HEBP2: variants seen among roughly 807,000 people sequenced by gnomAD.
The protein encoded by HEBP2 is heme binding protein 2.
HEBP2 carries 27 observed loss-of-function variants against 23.1 expected under a neutral mutation model. The observed-to-expected ratio is 1.17, with a 90% CI of 0.86 to 1.61. HEBP2 has a LOEUF of 1.61. HEBP2 is among the 40% of genes most tolerant of loss of function. The pLI, the probability that HEBP2 is intolerant of heterozygous loss-of-function variation, is 0.00. For missense variants in HEBP2, 245 were observed against 253.8 expected, an observed-to-expected ratio of 0.97 and a Z score of 0.24; for synonymous variants, 99 against 95.1, an observed-to-expected ratio of 1.04 and a Z score of -0.24.
Position 138,415,811 on chromosome 6 carries a change from C to G in HEBP2, c.*2733C>G, listed in dbSNP as rs1481746412. 1.3e-5 allele frequency: 2 copies of G among 152,140 alleles called. No individual in the cohort carries two copies. Among genetic ancestry groups the G allele is most frequent in the African/African-American group, 4.8e-5 (2 of 41,418 alleles). The allele number at this position is 152,140 out of a possible 1,614,324, so 9.4% of individuals were successfully genotyped here. ...AGTGGATCTCCCCAACCATCTGCCT[C>G]CCTAGAAAACTCCCTGAATATTCAC... is the stretch of plus-strand genomic sequence containing the variant. On this transcript the variant is annotated 3_prime_UTR_variant, in exon 4 of 4. Transcript: ENST00000607197.
chr6:138,403,970 G>A (rs1018350742), upstream of HEBP2, among the ~76,000 whole-genome samples: 14 of 152,042 alleles, frequency 9.2e-5, no homozygotes, highest in Non-Finnish European at 1.5e-4. Context: ...CAGGGGCCGC[G>A]GGGGTCGGGT....
chr6:138,407,638 GCT>G (rs1774672379), intron 3 of HEBP2, among the ~76,000 whole-genome samples: 2 of 152,234 alleles, frequency 1.3e-5, no homozygotes. Context: ...GGCTCCCATG[GCT>G]CTGTTAGCCA....
At chr6:138,410,546 A>G (rs913436170) in intron 3 of HEBP2, among the ~76,000 whole-genome samples, 2 of 150,854 alleles carry the variant, frequency 1.3e-5, no homozygotes, top group African/African-American at 4.9e-5. Context: ...CAATGGCGCA[A>G]TCTCAGCTCA....
chr6:138,408,570 C>G (rs368836393), intron 3 of HEBP2, among the ~76,000 whole-genome samples: 1 of 152,198 alleles, frequency 6.6e-6, no homozygotes, highest in African/African-American at 2.4e-5. Flanking sequence ...TTGCCATCCT[C>G]AGCAGTGCCT....
intron 3 of HEBP2, chr6:138,412,150 G>T: frequency 2.4e-6 from 1 of 411,732 alleles, no homozygotes; most frequent in Non-Finnish European, 4.8e-6. Flanking sequence ...CAGGGGTGTT[G>T]GTGTAGTTCT....
rs1280353826 is a variant in HEBP2 at position 138,416,005 on chromosome 6, G to A, written c.*2927G>A. ...CTCCTGGCTACCAGGCCTATAACGA[G>A]ACTTAAGTCACAACATAACTGATTG... On this transcript the variant is annotated 3_prime_UTR_variant, in exon 4 of 4. Coordinates refer to ENST00000607197, the MANE Select transcript of HEBP2 (RefSeq NM_014320.3). 6.6e-6 allele frequency: 1 copy of A among 152,262 alleles called. No homozygotes were observed. The highest frequency in any genetic ancestry group is 6.5e-5 in the Admixed American group (1 of 15,276). 9.4% of individuals were successfully genotyped at this position (152,262 alleles called of 1,614,324 possible). A position where few individuals can be genotyped will look rare whatever the true frequency, so the allele number is the denominator to read the frequency against.
intron 3 of HEBP2, among the ~76,000 whole-genome samples, chr6:138,409,061 C>T (rs777833260): frequency 6.6e-6 from 1 of 151,790 alleles, no homozygotes; most frequent in Non-Finnish European, 1.5e-5. Flanking sequence ...GGGTCTCGCT[C>T]TGTTGTCCAG....
At position 138,417,217 on chromosome 6, in the gene HEBP2, T is replaced by C. The variant is rs1480182458; in HGVS notation, c.*4139T>C. 1 of 152,218 alleles carries C rather than the reference T, an allele frequency of 6.6e-6. No individual in the cohort carries two copies. Among genetic ancestry groups the C allele is most frequent in the Non-Finnish European group, 1.5e-5 (1 of 68,034 alleles). 9.4% of individuals were successfully genotyped at this position (152,218 alleles called of 1,614,324 possible). ...GCCTGCAGGTTATCTGCCTAATCCC[T>C]GAATGTATAATTGAGACTGACATCC... On this transcript the variant is annotated 3_prime_UTR_variant, in exon 4 of 4. Coordinates refer to ENST00000607197, the MANE Select transcript of HEBP2 (RefSeq NM_014320.3).
chr6:138,415,587 AGT>A lies in HEBP2; in HGVS notation c.*2513_*2514del, dbSNP rs1053049435. The A allele has an allele frequency of 2.0e-5, 3 of 152,306 alleles. No homozygotes were observed. Among genetic ancestry groups the A allele is most frequent in the Admixed American group, 6.5e-5 (1 of 15,290 alleles). The allele number at this position is 152,306 out of a possible 1,614,324, so 9.4% of individuals were successfully genotyped here. A position where few individuals can be genotyped will look rare whatever the true frequency, so the allele number is the denominator to read the frequency against. ...TGAGGTCAATTAACAAACAAAACTA[AGT>A]GTGAGCCGCAGAGTCTCTGTGGTAG... is the stretch of plus-strand genomic sequence containing the variant. On this transcript the variant is annotated 3_prime_UTR_variant, in exon 4 of 4. Coordinates refer to ENST00000607197, the MANE Select transcript of HEBP2 (RefSeq NM_014320.3).
In HEBP2 at chr6:138,420,887, C is replaced by G. The variant is rs955615430; in HGVS notation, c.*7809C>G. 6.6e-5 allele frequency: 10 copies of G among 152,230 alleles called. No individual in the cohort carries two copies. The highest frequency in any genetic ancestry group is 6.5e-4 in the Admixed American group (10 of 15,290). The allele number at this position is 152,230 out of a possible 1,614,324, so 9.4% of individuals were successfully genotyped here. On this transcript the variant is annotated 3_prime_UTR_variant, in exon 4 of 4. Coordinates refer to ENST00000607197, the MANE Select transcript of HEBP2 (RefSeq NM_014320.3). ...AAACTGGCAGTAGGATCATGCCCCT[C>G]ACTGATAGCTCAACCACGTTTTCTA... is the stretch of plus-strand genomic sequence containing the variant.
In HEBP2 at chr6:138,404,521, C is replaced by G; in HGVS notation, c.26C>G (p.Pro9Arg). The change falls in exon 1 of 4, where the codon CCC becomes CGC. Residue 9 changes from proline to arginine, a missense_variant. Coordinates refer to ENST00000607197, the MANE Select transcript of HEBP2 (RefSeq NM_014320.3). Reference sequence around the variant, plus strand: ...ATGGCCGAGCCGCTCCAGCCAGACCCCGGGGCGGCCGAGGACGCGGCGGCC... The same window carrying G: ...ATGGCCGAGCCGCTCCAGCCAGACCGCGGGGCGGCCGAGGACGCGGCGGCC... Reference protein sequence around the residue: MAEPLQPDPGAAEDAAAQA... With the variant: MAEPLQPDRGAAEDAAAQA... 1 of 1,314,034 alleles carries G rather than the reference C, an allele frequency of 7.6e-7. No homozygotes were observed. Among genetic ancestry groups the G allele is most frequent in the Non-Finnish European group, 9.7e-7 (1 of 1,031,262 alleles). The allele number at this position is 1,314,034 out of a possible 1,614,324, so 81.4% of individuals were successfully genotyped here. A position where few individuals can be genotyped will look rare whatever the true frequency, so the allele number is the denominator to read the frequency against.
chr6:138,414,530 T>G lies in HEBP2; in HGVS notation c.*1452T>G, dbSNP rs1583106856. 6.6e-6 allele frequency: 1 copy of G among 152,028 alleles called. No individual in the cohort carries two copies. 9.4% of individuals were successfully genotyped at this position (152,028 alleles called of 1,614,324 possible). A position where few individuals can be genotyped will look rare whatever the true frequency, so the allele number is the denominator to read the frequency against. On this transcript the variant is annotated 3_prime_UTR_variant, in exon 4 of 4. Coordinates refer to ENST00000607197, the MANE Select transcript of HEBP2 (RefSeq NM_014320.3). ...TGAAGTGGTGGCAGACAACGTGAGG[T>G]GTGCCACTCAAATTCACCTTCAAGA... is the stretch of plus-strand genomic sequence containing the variant.
intron 3 of HEBP2, among the ~76,000 whole-genome samples, chr6:138,408,485 G>A (rs748061332): frequency 4.6e-5 from 7 of 151,908 alleles, no homozygotes; most frequent in African/African-American, 7.3e-5. Context: ...ATTTCCATCC[G>A]AGACCTTATG....
At chr6:138,411,089 A>G (rs1427156640) in intron 3 of HEBP2, among the ~76,000 whole-genome samples, 2 of 152,248 alleles carry the variant, frequency 1.3e-5, no homozygotes, top group Admixed American at 1.3e-4. Flanking sequence ...CAAAGAAGGC[A>G]TATTAGGAAA....
At chr6:138,404,621 G>A in intron 1 of HEBP2, 24 bp downstream of exon 1, 1 of 1,253,704 alleles carries the variant, frequency 8.0e-7, no homozygotes, top group South Asian at 2.7e-5. Context: ...CGGGAGCGGA[G>A]GGGCTGGGCC....
At chr6:138,403,650 G>A (rs113062048), upstream of HEBP2, 13 of 434,466 alleles carry the variant, frequency 3.0e-5, no homozygotes, top group African/African-American at 1.2e-4. Context: ...CGGCGGAAAG[G>A]GGGTGCTGGG....
chr6:138,420,807 C>T lies in HEBP2; in HGVS notation c.*7729C>T, dbSNP rs1045104907. On this transcript the variant is annotated 3_prime_UTR_variant, in exon 4 of 4. Coordinates refer to ENST00000607197, the MANE Select transcript of HEBP2 (RefSeq NM_014320.3). ...GCTTCCTCTTTTCCTTTCAAAGGTG[C>T]TTACTCCAATAATAAATCCTTTGGT... 6.6e-6 allele frequency: 1 copy of T among 152,212 alleles called. No homozygotes were observed. Among genetic ancestry groups the T allele is most frequent in the African/African-American group, 2.4e-5 (1 of 41,448 alleles). The allele number at this position is 152,212 out of a possible 1,614,324, so 9.4% of individuals were successfully genotyped here. A position where few individuals can be genotyped will look rare whatever the true frequency, so the allele number is the denominator to read the frequency against.
At chr6:138,406,822 T>C (rs1163869930) in intron 3 of HEBP2, among the ~76,000 whole-genome samples, 1 of 151,816 alleles carries the variant, frequency 6.6e-6, no homozygotes, top group African/African-American at 2.4e-5. Flanking sequence ...AGCCTGGGAG[T>C]TAGAGACCAG....
At chr6:138,409,700 C>T (rs929317393) in intron 3 of HEBP2, among the ~76,000 whole-genome samples, 1 of 152,170 alleles carries the variant, frequency 6.6e-6, no homozygotes, top group African/African-American at 2.4e-5. Context: ...TTGGATTCCT[C>T]TTGCCTCCCC....
Sources: allele counts gnomAD v4.1 joint callset (sites outside exome capture counted in the v4.1 genomes callset), GRCh38; gene constraint gnomAD v4.1.1; transcripts MANE v1.5; gene names NCBI Gene and HGNC (gene_info 2026-07-23, HGNC 2026-07-21).